CACNB4: variants seen among roughly 807,000 people sequenced by gnomAD.
The protein encoded by CACNB4 is voltage-dependent L-type calcium channel subunit beta-4.
A neutral mutation model predicts 71.2 loss-of-function variants in CACNB4; 32 were observed. The ratio of observed to expected loss-of-function variants is 0.45; its 90% CI spans 0.34 to 0.60. CACNB4 has a LOEUF of 0.60. CACNB4 is among the 20% of genes least tolerant of loss of function. CACNB4 has a pLI of 0.01. For missense variants in CACNB4, 464 were observed against 647.9 expected, an observed-to-expected ratio of 0.72 and a Z score of 3.08; for synonymous variants, 231 against 236.9, an observed-to-expected ratio of 0.97 and a Z score of 0.23.
intron 2 of CACNB4, among the ~76,000 whole-genome samples, chr2:152,046,975 G>A (rs560976246): frequency 1.3e-5 from 2 of 152,260 alleles, no homozygotes; most frequent in South Asian, 4.1e-4. Context: ...GATGGAGTAG[G>A]GATCCCTCTT....
intron 2 of CACNB4, among the ~76,000 whole-genome samples, chr2:151,954,999 A>G (rs111393289): frequency 0.027 from 4,110 of 151,592 alleles, 55 homozygotes; most frequent in African/African-American, 0.033. Context: ...GACTACAGGC[A>G]CCCGCCACGA....
In CACNB4 at chr2:151,853,478, C is replaced by A. The variant is rs1205392090; in HGVS notation, c.1086G>T (p.Val362=). 1 of 1,597,974 alleles carries A rather than the reference C, an allele frequency of 6.3e-7. No individual in the cohort carries two copies. Among genetic ancestry groups the A allele is most frequent in the African/African-American group, 1.3e-5 (1 of 74,326 alleles). ...GGCATTGTGCAAGTTTATCAGCTGC[C>A]ACCAGTTGAACATTCAAGTGTTTAC... The part of the protein sequence containing the change: ...SQSKHLNVQL[V]AADKLAQCPP... Residue 362 remains valine (V), a synonymous_variant, in exon 12 of 14, where the codon GTG becomes GTT. Transcript: ENST00000539935.
chr2:151,870,550 G>A lies in CACNB4; in HGVS notation c.680C>T (p.Pro227Leu), dbSNP rs2099844364. Reference sequence around the variant, plus strand: ...TTGTACCTCGTAACCTTTCAGTGACGGCCCCACTAACACCACCGGACGCAT... The same window carrying A: ...TTGTACCTCGTAACCTTTCAGTGACAGCCCCACTAACACCACCGGACGCAT... ...PSMRPVVLVGPSLKGYEVTDM... is the reference protein window; with the variant it reads ...PSMRPVVLVGLSLKGYEVTDM... The change falls in exon 8 of 14, where the codon CCG becomes CTG. Residue 227 changes from proline (P) to leucine (L), a missense_variant. By Grantham distance (98) the Pro-to-Leu change is moderately conservative. This residue lies in a region of CACNB4 where 299 missense variants were observed against 471.7 expected (regional missense o/e 0.63). Transcript: ENST00000539935. 6.2e-7 allele frequency: 1 copy of A among 1,613,512 alleles called. No homozygotes were observed. The highest frequency in any genetic ancestry group is 1.1e-5 in the South Asian group (1 of 91,030).
At chr2:151,897,106 T>C (rs531595467) in intron 2 of CACNB4, among the ~76,000 whole-genome samples, 1 of 152,344 alleles carries the variant, frequency 6.6e-6, no homozygotes, top group African/African-American at 2.4e-5. Flanking sequence ...TTACTGAGAA[T>C]GCTAGGTTCT....
At chr2:152,066,073 C>T (rs969897474) in intron 2 of CACNB4, among the ~76,000 whole-genome samples, 4 of 152,148 alleles carry the variant, frequency 2.6e-5, no homozygotes, top group Non-Finnish European at 5.9e-5. Context: ...ATACAGGAAG[C>T]CCTTCAAGTA....
Position 152,098,907 on chromosome 2 carries a change from A to G in CACNB4, c.63+42T>C. On this transcript the variant is annotated intron_variant, in intron 1 of 13. Coordinates refer to ENST00000539935, the MANE Select transcript of CACNB4 (RefSeq NM_000726.5). This position sits in a 1 kb window ranked among gnomAD's most constrained non-coding sequence, Gnocchi z 5.3. ...TAGGGCGGCGGAGGAGGTGTGAGGAAGGAAGAGGAGGAAGAGGAGAAGGGG... is the reference window on the plus strand; with the variant it reads ...TAGGGCGGCGGAGGAGGTGTGAGGAGGGAAGAGGAGGAAGAGGAGAAGGGG... The G allele has an allele frequency of 8.6e-7, 1 of 1,160,562 alleles. No individual in the cohort carries two copies. Among genetic ancestry groups the G allele is most frequent in the Non-Finnish European group, 1.2e-6 (1 of 866,068 alleles). The allele number at this position is 1,160,562 out of a possible 1,614,324, so 71.9% of individuals were successfully genotyped here.
chr2:151,932,150 A>G (rs1290519268), intron 2 of CACNB4, among the ~76,000 whole-genome samples: 2 of 152,154 alleles, frequency 1.3e-5, no homozygotes, highest in African/African-American at 4.8e-5. Flanking sequence ...AGTTGTTACA[A>G]TAAGCACATA....
intron 2 of CACNB4, among the ~76,000 whole-genome samples, chr2:152,054,514 T>C (rs1460832179): frequency 2.0e-5 from 3 of 152,222 alleles, no homozygotes; most frequent in Non-Finnish European, 4.4e-5. Flanking sequence ...TTTTGTCTAT[T>C]ACGAATAATG....
At chr2:151,985,362 C>A (rs1246535742) in intron 2 of CACNB4, among the ~76,000 whole-genome samples, 1 of 152,116 alleles carries the variant, frequency 6.6e-6, no homozygotes, top group Non-Finnish European at 1.5e-5. Flanking sequence ...ATATAGATGT[C>A]CTATGCAGTT....
intron 2 of CACNB4, among the ~76,000 whole-genome samples, chr2:152,096,040 T>C (rs1432959532): frequency 1.3e-5 from 2 of 152,220 alleles, no homozygotes; most frequent in Non-Finnish European, 1.5e-5. Context: ...CCGAAAGTTA[T>C]TGTTAAACTG....
At chr2:151,950,936 A>C (rs2099866776) in intron 2 of CACNB4, among the ~76,000 whole-genome samples, 1 of 152,110 alleles carries the variant, frequency 6.6e-6, no homozygotes, top group South Asian at 2.1e-4. Context: ...TGAATTGTTC[A>C]TTTATTTATT....
chr2:151,839,174 T>C lies in CACNB4; in HGVS notation c.1508A>G (p.His503Arg). 2 of 1,613,652 alleles carry C rather than the reference T, an allele frequency of 1.2e-6. No homozygotes were observed. Among genetic ancestry groups the C allele is most frequent in the Non-Finnish European group, 1.7e-6 (2 of 1,179,582 alleles). ...PDSYQDTYKP[H>R]RNRGSPGGYS... is the part of the protein sequence containing the mutation. Reference sequence around the variant, plus strand: ...TCCCCCAGGTGATCCTCGGTTCCTATGGGGTTTGTAAGTGTCCTGGTATGA... The same window carrying C: ...TCCCCCAGGTGATCCTCGGTTCCTACGGGGTTTGTAAGTGTCCTGGTATGA... Residue 503 changes from histidine to arginine, a missense_variant, in exon 14 of 14, where the codon CAT (histidine) becomes CGT (arginine). Around this residue, in one of 3 missense-constraint regions of CACNB4, gnomAD observed 115 missense variants for 128.8 expected, o/e 0.89. Transcript: ENST00000539935.
Position 152,098,576 on chromosome 2 carries a change from A to AACC in CACNB4, c.64-164_64-163insGGT. ...ACTCCCAAATACAGCCCCCACCCCCACCCACCCACTGCAAGCCTCGACTGC... is the reference window on the plus strand; with the variant it reads ...ACTCCCAAATACAGCCCCCACCCCCAACCCCCACCCACTGCAAGCCTCGACTGC... On this transcript the variant is annotated intron_variant, in intron 1 of 13. Coordinates refer to ENST00000539935, the MANE Select transcript of CACNB4 (RefSeq NM_000726.5). This position sits in a 1 kb window ranked among gnomAD's most constrained non-coding sequence, Gnocchi z 5.3. The AACC allele has an allele frequency of 2.5e-6, 1 of 405,562 alleles. No homozygotes were observed. Among genetic ancestry groups the AACC allele is most frequent in the Non-Finnish European group, 4.6e-6 (1 of 215,070 alleles). 25.1% of individuals were successfully genotyped at this position (405,562 alleles called of 1,614,324 possible).
intron 8 of CACNB4, chr2:151,869,477 ACCCTCTTCCCTCTT>A (rs749199823): frequency 2.5e-6 from 1 of 397,794 alleles, no homozygotes; most frequent in African/African-American, 2.1e-5. Flanking sequence ...TGTTCACCAG[ACCCTCTTCCCTCTT>A]CCCTCTTCCC....
chr2:152,063,743 G>A (rs1194141541), intron 2 of CACNB4, among the ~76,000 whole-genome samples: 1 of 152,154 alleles, frequency 6.6e-6, no homozygotes, highest in East Asian at 1.9e-4. Context: ...TGAGGCGGGG[G>A]GCAGGGTTAA....
At chr2:151,966,948 G>A (rs1299705690) in intron 2 of CACNB4, 1 of 151,662 alleles carries the variant, frequency 6.6e-6, no homozygotes, top group African/African-American at 2.4e-5. Flanking sequence ...AGGAAACCAA[G>A]GCACAGAAAG....
At chr2:151,999,071 C>A (rs185512771) in intron 2 of CACNB4, among the ~76,000 whole-genome samples, 2 of 152,184 alleles carry the variant, frequency 1.3e-5, no homozygotes, top group Non-Finnish European at 2.9e-5. Flanking sequence ...AGAACAAATG[C>A]GGCTGTCAGC....
At chr2:151,923,583 ATTC>A (rs2099859496) in intron 2 of CACNB4, among the ~76,000 whole-genome samples, 1 of 152,252 alleles carries the variant, frequency 6.6e-6, no homozygotes, top group South Asian at 2.1e-4. Context: ...CTGACATTCC[ATTC>A]TTCAAGTACA....
chr2:151,844,384 A>G (rs1340821172), intron 12 of CACNB4, among the ~76,000 whole-genome samples: 1 of 152,150 alleles, frequency 6.6e-6, no homozygotes, highest in Non-Finnish European at 1.5e-5. Context: ...CGAGTAAGCC[A>G]AAGAATGTTA....
Sources: allele counts gnomAD v4.1 joint callset (sites outside exome capture counted in the v4.1 genomes callset), GRCh38; gene constraint gnomAD v4.1.1; regional missense constraint gnomAD v4.1.1; non-coding constraint Gnocchi (gnomAD v3.1); transcripts MANE v1.5; gene names NCBI Gene and HGNC (gene_info 2026-07-23, HGNC 2026-07-21).